Variants in COL18A1 observed in about 807,000 individuals in gnomAD.
The protein encoded by COL18A1 is collagen type XVIII alpha 1 chain, also known as collagen alpha-1(XVIII) chain.
A neutral mutation model predicts 168.0 loss-of-function variants in COL18A1; 133 were observed. The observed-to-expected ratio is 0.79, with a 90% CI of 0.69 to 0.91. The LOEUF (loss-of-function observed/expected upper bound fraction) is 0.91. Among genes scored for constraint, COL18A1 ranks in the 40% least tolerant of loss-of-function variants. The pLI is 0.00. For missense variants in COL18A1, 2,126 were observed against 1,925.4 expected, an observed-to-expected ratio of 1.10 and a Z score of -1.95; for synonymous variants, 949 against 809.0, an observed-to-expected ratio of 1.17 and a Z score of -2.94.
At position 45,512,225 on chromosome 21, in the gene COL18A1, G is replaced by A. The variant is rs1085307935; in HGVS notation, c.3847G>A (p.Gly1283Arg). 3.7e-6 allele frequency: 6 copies of A among 1,612,406 alleles called. No individual in the cohort carries two copies. Among genetic ancestry groups the A allele is most frequent in the South Asian group, 1.1e-5 (1 of 91,012 alleles). ...KSVWHGSDPN[G>R]RRLTESYCET... Reference sequence around the variant, plus strand: ...CGTGTGGCATGGCTCGGACCCCAACGGGCGCAGGCTGACCGAGAGCTACTG... The same window carrying A: ...CGTGTGGCATGGCTCGGACCCCAACAGGCGCAGGCTGACCGAGAGCTACTG... Residue 1283 changes from glycine (G) to arginine (R), a missense_variant, in exon 42 of 42, where the codon GGG (glycine) becomes AGG (arginine). Transcript: ENST00000651438.
chr21:45,477,538 G>A, intron 7 of COL18A1, 51 bp downstream of exon 7: 1 of 1,517,732 alleles, frequency 6.6e-7, no homozygotes, highest in Non-Finnish European at 9.0e-7. Context: ...GAGCACCTGT[G>A]GCCTTTTGGG....
At chr21:45,481,337 A>G (rs1024697303) in intron 13 of COL18A1, among the ~76,000 whole-genome samples, 5 of 152,112 alleles carry the variant, frequency 3.3e-5, no homozygotes, top group African/African-American at 1.2e-4. Flanking sequence ...CTGCCCCACC[A>G]GCTGTGCCAC....
In COL18A1 at chr21:45,474,245, A is replaced by T. The variant is rs962274187; in HGVS notation, c.738+264A>T. ...TGAGACAGAGGATGTGAGGCAGCTC[A>T]GCAAAGTGTGTGTGTGTGTCTGTGT... On this transcript the variant is annotated intron_variant, in intron 4 of 41. Coordinates refer to ENST00000651438, the MANE Select transcript of COL18A1 (RefSeq NM_001379500.1). 3.1e-5 allele frequency among the ~76,000 whole-genome samples: 4 copies of T among 128,402 alleles called. No homozygotes were observed. The East Asian group carries it at 9.1e-4, about 29-fold the overall frequency. 84.2% of individuals were successfully genotyped at this position (128,402 alleles called of 152,430 possible).
At chr21:45,507,646 T>C in intron 38 of COL18A1, 53 bp downstream of exon 38, 3 of 1,527,838 alleles carry the variant, frequency 2.0e-6, no homozygotes, top group Non-Finnish European at 2.7e-6. Context: ...CATGAGGGGG[T>C]ATGTGCTGTC....
At position 45,510,240 on chromosome 21, in the gene COL18A1, C is replaced by G. The variant is rs369895316; in HGVS notation, c.3672C>G (p.Ala1224=). ...TCGTGCGCCGTGCCGACCGCGCAGC[C>G]GTGCCCATCGTCAACCTCAAGGTGG... ...YSIVRRADRA[A]VPIVNLKDEL... Residue 1224 remains alanine (A), a synonymous_variant, in exon 40 of 42, where the codon GCC becomes GCG. Coordinates refer to ENST00000651438, the MANE Select transcript of COL18A1 (RefSeq NM_001379500.1). 35 of 1,605,842 alleles carry G rather than the reference C, an allele frequency of 2.2e-5. No individual in the cohort carries two copies. In the African/African-American group the frequency reaches 4.7e-4, roughly 21 times the overall value.
At chr21:45,452,926 CACATGTG>C (rs905872395) in intron 2 of COL18A1, among the ~76,000 whole-genome samples, 2 of 150,614 alleles carry the variant, frequency 1.3e-5, no homozygotes, top group South Asian at 2.1e-4. Flanking sequence ...TGTGAGTATT[CACATGTG>C]ACATGTGAGC....
chr21:45,468,134 G>A lies in COL18A1; in HGVS notation c.107-108G>A, dbSNP rs1006241183. 10 of 1,236,126 alleles carry A rather than the reference G, an allele frequency of 8.1e-6. No homozygotes were observed. In the African/African-American group the frequency reaches 1.3e-4, roughly 17 times the overall value. 76.6% of individuals were successfully genotyped at this position (1,236,126 alleles called of 1,614,324 possible). On this transcript the variant is annotated intron_variant, in intron 2 of 41. Transcript: ENST00000651438. ...GCCAGGCACGTGGAGAGCCCTCCCA[G>A]ACTCAGTTTCTCCTTTCTGCCCCTG...
intron 2 of COL18A1, among the ~76,000 whole-genome samples, chr21:45,460,402 A>G (rs986681240): frequency 1.3e-5 from 2 of 152,100 alleles, no homozygotes; most frequent in South Asian, 2.1e-4. Context: ...GAGTCCCGTG[A>G]TCTTGGAAAG....
At position 45,468,586 on chromosome 21, in the gene COL18A1, G is replaced by A. The variant is rs201833726; in HGVS notation, c.451G>A (p.Ala151Thr). 6.0e-5 allele frequency: 97 copies of A among 1,613,548 alleles called. 2 individuals carry two copies. In the African/African-American group the frequency reaches 1.1e-3, roughly 18 times the overall value. The part of the protein sequence containing the change: ...EPGAGQTHTA[A>T]SFRLPAFVGQ... The stretch of plus-strand genomic sequence containing the variant: ...AGGTGCAGGCCAGACCCACACAGCC[G>A]CCAGCTTCCGGCTCCCCGCCTTCGT... The change falls in exon 3 of 42, where the codon GCC (alanine) becomes ACC (threonine). Residue 151 changes from alanine to threonine, a missense_variant. Ala to Thr is a moderately conservative substitution (Grantham distance 58). Transcript: ENST00000651438.
chr21:45,506,981 C>T (rs554538539), intron 37 of COL18A1: 4 of 276,452 alleles, frequency 1.4e-5, no homozygotes, highest in South Asian at 1.0e-4. Flanking sequence ...TGTAGGCACC[C>T]GGATGCAGCC....
intron 2 of COL18A1, among the ~76,000 whole-genome samples, chr21:45,426,728 G>C (rs754557293): frequency 1.1e-4 from 17 of 152,244 alleles, no homozygotes; most frequent in Non-Finnish European, 2.2e-4. Context: ...TGCCCACTTC[G>C]TCCAGCAGGT....
At chr21:45,444,284 C>T (rs1462611947) in intron 2 of COL18A1, among the ~76,000 whole-genome samples, 2 of 152,002 alleles carry the variant, frequency 1.3e-5, no homozygotes, top group Admixed American at 1.3e-4. Context: ...CACGGGTGTG[C>T]GTGTGGAGTG....
intron 2 of COL18A1, among the ~76,000 whole-genome samples, chr21:45,409,175 G>A (rs1556326): frequency 0.11 from 16,096 of 152,138 alleles, 1,317 homozygotes; most frequent in African/African-American, 0.23. Flanking sequence ...GTCTGTTAGC[G>A]GGTGCCTGTC....
intron 32 of COL18A1, chr21:45,502,890 A>G (rs2036938481): frequency 6.6e-6 from 1 of 152,244 alleles, no homozygotes. Context: ...GTGGATCTGC[A>G]GGTGAACTCT....
At chr21:45,499,259 G>A (rs980689622) in intron 32 of COL18A1, among the ~76,000 whole-genome samples, 9 of 151,400 alleles carry the variant, frequency 5.9e-5, no homozygotes, top group Non-Finnish European at 1.0e-4. Context: ...GAGCTGTGTC[G>A]GCAGTGGAGG....
chr21:45,489,421 G>A, intron 18 of COL18A1, 65 bp from the exon 19 acceptor site: 1 of 1,230,606 alleles, frequency 8.1e-7, no homozygotes, highest in South Asian at 1.3e-5. Flanking sequence ...TTCACCCGGG[G>A]TGGACGCTGC....
At chr21:45,431,392 A>G (rs1259619673) in intron 2 of COL18A1, among the ~76,000 whole-genome samples, 35 of 65,816 alleles carry the variant, frequency 5.3e-4, no homozygotes, top group African/African-American at 5.9e-4. Flanking sequence ...GGCCCAGGGG[A>G]GGGGGGCAGG....
chr21:45,405,307 C>CCTGCGGGGGTCGCGGGGGTCCT, intron 1 of COL18A1, 66 bp downstream of exon 1: 2 of 784,848 alleles, frequency 2.5e-6, no homozygotes, highest in South Asian at 5.8e-5. Flanking sequence ...TCGCGGGGGT[C>CCTGCGGGGGTCGCGGGGGTCCT]GCGGGGCTCG....
chr21:45,505,298 G>A lies in COL18A1; in HGVS notation c.3013+20G>A. The A allele has an allele frequency of 6.2e-7, 1 of 1,605,762 alleles. No individual in the cohort carries two copies. The highest frequency in any genetic ancestry group is 8.5e-7 in the Non-Finnish European group (1 of 1,174,028). ...GGCAGAGTAAGTCAGTGGGGAGTGG[G>A]CCCCGGGCAGAGGCCGCCTCGTGTG... On this transcript the variant is annotated intron_variant, in intron 35 of 41. Transcript: ENST00000651438.
Sources: allele counts gnomAD v4.1 joint callset (sites outside exome capture counted in the v4.1 genomes callset), GRCh38; gene constraint gnomAD v4.1.1; transcripts MANE v1.5; gene names NCBI Gene and HGNC (gene_info 2026-07-23, HGNC 2026-07-21).